The following CIAO3 variants were observed in gnomAD, a reference collection of about 807,000 sequenced individuals.
CIAO3 encodes the protein LET1 like/JFP15.
CIAO3 carries 45 observed loss-of-function variants against 51.5 expected under a neutral mutation model. That is an observed-to-expected ratio of 0.87 (90% CI 0.69 to 1.12). CIAO3 has a LOEUF of 1.12. CIAO3 is among the 50% of genes most tolerant of loss of function. The pLI, the probability that CIAO3 is intolerant of heterozygous loss-of-function variation, is 0.00. For synonymous variants in CIAO3, 314 were observed against 269.3 expected (o/e 1.17, Z -1.63); for missense variants, 668 against 632.5 (o/e 1.06, Z -0.60).
intron 6 of CIAO3, 148 bp from the exon 7 acceptor site, chr16:733,575 G>A: frequency 8.2e-7 from 1 of 1,217,162 alleles, no homozygotes; most frequent in Non-Finnish European, 1.1e-6. Context: ...TGCCGGCTCT[G>A]CGGATGTGTC....
At chr16:730,817 C>T (rs752375815) in intron 10 of CIAO3, 26 bp downstream of exon 10, 72 of 1,610,318 alleles carry the variant, frequency 4.5e-5, no homozygotes, top group Non-Finnish European at 5.3e-5. Context: ...AAGGGGTCCT[C>T]GTGTCCTGTC....
rs569826893 is a variant in CIAO3 at position 740,283 on chromosome 16, G to A, written c.67-545C>T. The A allele has an allele frequency of 1.1e-5, 4 of 376,208 alleles. No homozygotes were observed. The East Asian group carries it at 2.9e-4, about 28-fold the overall frequency. The allele number at this position is 376,208 out of a possible 1,614,324, so 23.3% of individuals were successfully genotyped here. A position where few individuals can be genotyped will look rare whatever the true frequency, so the allele number is the denominator to read the frequency against. ...CCCGCGGGGCTGTTGGACATGGACA[G>A]GCAGGTGCACCCAGAAAAGGGCGCC... On this transcript the variant is annotated intron_variant, in intron 1 of 10. Coordinates refer to ENST00000251588, the MANE Select transcript of CIAO3 (RefSeq NM_022493.3).
Position 729,828 on chromosome 16 carries a change from G to GCATCATCCCCCAGCCA in CIAO3, c.*588_*589insTGGCTGGGGGATGATG. ...AGACAGGCCTGGTGGGGACCTGGCT[G>GCATCATCCCCCAGCCA]GGGGATGATGCAGCCCGCGATGGCT... On this transcript the variant is annotated 3_prime_UTR_variant, in exon 11 of 11. Coordinates refer to ENST00000251588, the MANE Select transcript of CIAO3 (RefSeq NM_022493.3). 5.2e-6 allele frequency: 4 copies of GCATCATCCCCCAGCCA among 767,658 alleles called. No individual in the cohort carries two copies. Among genetic ancestry groups the GCATCATCCCCCAGCCA allele is most frequent in the Non-Finnish European group, 7.4e-6 (4 of 542,802 alleles). The allele number at this position is 767,658 out of a possible 1,614,324, so 47.6% of individuals were successfully genotyped here.
At chr16:734,557 C>T (rs2151602114) in intron 5 of CIAO3, 180 bp downstream of exon 5, 1 of 1,197,892 alleles carries the variant, frequency 8.3e-7, no homozygotes, top group Non-Finnish European at 1.2e-6. Flanking sequence ...CGCGTGGCTC[C>T]CACGGGAGGG....
At chr16:740,148 A>G (rs2041376757) in intron 1 of CIAO3, 1 of 1,282,246 alleles carries the variant, frequency 7.8e-7, no homozygotes, top group Non-Finnish European at 1.0e-6. Flanking sequence ...AAACAAGTGG[A>G]TTTCTCTCTC....
intron 5 of CIAO3, 27 bp from the exon 6 acceptor site, chr16:734,374 T>C: frequency 6.5e-7 from 1 of 1,541,776 alleles, no homozygotes; most frequent in Non-Finnish European, 8.8e-7. Context: ...CACACGGGGC[T>C]GGCGGGGGCG....
rs199916282 is a variant in CIAO3 at position 732,356 on chromosome 16, G to A, written c.841C>T (p.Leu281=). Residue 281 remains leucine, a synonymous_variant, in exon 8 of 11, where the codon CTG becomes TTG. Transcript: ENST00000251588. ...VLTTGEVFRL[L]EEEGVSLPDL... ...GGGAGGGAGACGCCCTCTTCCTCCA[G>A]CAACCTGAAAACTTCTCCTGCAAAG... The A allele has an allele frequency of 3.3e-5, 54 of 1,612,960 alleles. No homozygotes were observed. The Admixed American group carries it at 7.0e-4, about 21-fold the overall frequency.
intron 1 of CIAO3, 89 bp downstream of exon 1, chr16:740,831 C>T: frequency 7.5e-7 from 1 of 1,328,054 alleles, no homozygotes; most frequent in Non-Finnish European, 1.0e-6. Flanking sequence ...TCTCATTCCT[C>T]AGGGGAGGAA....
intron 6 of CIAO3, chr16:733,819 C>G: frequency 2.8e-6 from 1 of 359,412 alleles, no homozygotes; most frequent in Non-Finnish European, 5.3e-6. Context: ...CATGGGCGCT[C>G]GAGGCCCAGG....
intron 9 of CIAO3, 120 bp downstream of exon 9, chr16:731,445 C>G: frequency 7.3e-7 from 1 of 1,371,922 alleles, no homozygotes; most frequent in Middle Eastern, 1.9e-4. Context: ...CCCTCCAAAC[C>G]CTGCAGGCTG....
rs1374629708 is a variant in CIAO3, at chr16:730,490, C to T, written c.1358G>A (p.Cys453Tyr). Residue 453 changes from cysteine (C) to tyrosine (Y), a missense_variant, in exon 11 of 11, where the codon TGT (cysteine) becomes TAT (tyrosine). By Grantham distance (194) the Cys-to-Tyr change is radical (BLOSUM62 -2). Coordinates refer to ENST00000251588, the MANE Select transcript of CIAO3 (RefSeq NM_022493.3). ...CTGCGTATGCAGCAAGCGACCTGCA[C>T]ACTCCGAGTCCGTGCCCTGCAGCCA... ...THWLQGTDSE[C>Y]AGRLLHTQYH... 6.2e-7 allele frequency: 1 copy of T among 1,609,566 alleles called. No homozygotes were observed. Among genetic ancestry groups the T allele is most frequent in the Non-Finnish European group, 8.5e-7 (1 of 1,179,972 alleles).
At chr16:732,200 C>A in intron 8 of CIAO3, 101 bp downstream of exon 8, 1 of 1,299,452 alleles carries the variant, frequency 7.7e-7, no homozygotes, top group Non-Finnish European at 1.1e-6. Flanking sequence ...CTGTGGACGC[C>A]AAGATGGGCT....
rs769038238 is a variant in CIAO3 at position 732,316 on chromosome 16, GCTGGTT to G, written c.875_880del (p.Glu292_Pro293del). The G allele has an allele frequency of 1.2e-6, 2 of 1,612,744 alleles. No individual in the cohort carries two copies. The highest frequency in any genetic ancestry group is 1.7e-6 in the Non-Finnish European group (2 of 1,179,572). On this transcript the variant is annotated inframe_deletion, in exon 8 of 11. Coordinates refer to ENST00000251588, the MANE Select transcript of CIAO3 (RefSeq NM_022493.3). Reference sequence around the variant, plus strand: ...ACATACGTACAGGCTGTCCAGAGGGGCTGGTTCCAGGTCGGGGAGGGAGACGCCCTC... The same window carrying G: ...ACATACGTACAGGCTGTCCAGAGGGGCCAGGTCGGGGAGGGAGACGCCCTC...
rs140239745 is a variant in CIAO3, at chr16:730,546, G to C, written c.1302C>G (p.Asp434Glu). 6.2e-7 allele frequency: 1 copy of C among 1,610,812 alleles called. No individual in the cohort carries two copies. Among genetic ancestry groups the C allele is most frequent in the Non-Finnish European group, 8.5e-7 (1 of 1,179,994 alleles). Reference sequence around the variant, plus strand: ...TGTACAGCTCCTGAACCCCAGGCGCGTCCTCGGGCGCCTCAGCCCGGACCA... The same window carrying C: ...TGTACAGCTCCTGAACCCCAGGCGCCTCCTCGGGCGCCTCAGCCCGGACCA... ...YGMVRAEAPE[D>E]APGVQELYTH... Residue 434 changes from aspartate to glutamate, a missense_variant, in exon 11 of 11, where the codon GAC (aspartate) becomes GAG (glutamate). Physicochemically the swap from Asp to Glu is conservative, Grantham distance 45. Transcript: ENST00000251588.
chr16:739,097 A>G (rs1222443168), intron 2 of CIAO3, among the ~76,000 whole-genome samples: 2 of 151,222 alleles, frequency 1.3e-5, no homozygotes, highest in Non-Finnish European at 3.0e-5. Flanking sequence ...GGAGATTGAG[A>G]CCATCCTGGC....
At position 740,960 on chromosome 16, in the gene CIAO3, A is replaced by G; in HGVS notation, c.26T>C (p.Leu9Pro). Residue 9 changes from leucine (L) to proline (P), a missense_variant, in exon 1 of 11, where the codon CTG (leucine) becomes CCG (proline). Coordinates refer to ENST00000251588, the MANE Select transcript of CIAO3 (RefSeq NM_022493.3). The stretch of plus-strand genomic sequence containing the variant: ...GAAGTCATCCAGGTCCGTCAGCTGC[A>G]GCGCCCCGCTGAAGGGCGACGCCAT... MASPFSGA[L>P]QLTDLDDFIG... The G allele has an allele frequency of 1.3e-6, 2 of 1,517,962 alleles. No homozygotes were observed. Among genetic ancestry groups the G allele is most frequent in the Non-Finnish European group, 1.8e-6 (2 of 1,136,666 alleles). 94.0% of individuals were successfully genotyped at this position (1,517,962 alleles called of 1,614,324 possible).
intron 1 of CIAO3, chr16:740,091 C>A (rs1226027252): frequency 7.5e-7 from 1 of 1,332,100 alleles, no homozygotes; most frequent in Admixed American, 2.2e-5. Context: ...ATCGAGAGGA[C>A]GTGTGCTTGG....
intron 2 of CIAO3, chr16:738,540 G>C (rs1382717267): frequency 2.1e-5 from 3 of 146,254 alleles, no homozygotes; most frequent in Admixed American, 6.8e-5. Context: ...TTTTAGTAGA[G>C]ACGGGGTTTC....
intron 4 of CIAO3, chr16:735,598 C>G (rs563212716): frequency 6.6e-6 from 1 of 152,382 alleles, no homozygotes; most frequent in Non-Finnish European, 1.5e-5. Flanking sequence ...CCAGGTTTTC[C>G]CTGGGACACC....
Sources: gnomAD v4.1 joint callset for allele counts (sites outside exome capture counted in the v4.1 genomes callset) on GRCh38, gnomAD v4.1.1 for gene constraint, MANE v1.5 for transcripts, NCBI Gene and HGNC (gene_info 2026-07-23, HGNC 2026-07-21) for gene names.